The following ADGRB3 variants were observed in gnomAD, a reference collection of about 807,000 sequenced individuals.
The protein encoded by ADGRB3 is adhesion G protein-coupled receptor B3, also known as brain-specific angiogenesis inhibitor 3.
A neutral mutation model predicts 193.4 loss-of-function variants in ADGRB3; 37 were observed. The ratio of observed to expected loss-of-function variants is 0.19; its 90% CI spans 0.15 to 0.25. The LOEUF (loss-of-function observed/expected upper bound fraction) is 0.25. Among genes scored for constraint, ADGRB3 ranks in the 10% least tolerant of loss-of-function variants. The pLI is 1.00. For missense variants in ADGRB3, 1,637 were observed against 1,852.9 expected (o/e 0.88, Z 2.14); for synonymous variants, 690 against 644.2 (o/e 1.07, Z -1.08).
At chr6:69,007,897 G>T (rs958169891) in intron 11 of ADGRB3, among the ~76,000 whole-genome samples, 3 of 152,016 alleles carry the variant, frequency 2.0e-5, no homozygotes, top group Non-Finnish European at 2.9e-5. Context: ...AGGCACTGGT[G>T]GCAGGTTCAG....
chr6:69,065,639 C>A (rs946645797), intron 16 of ADGRB3, among the ~76,000 whole-genome samples: 6 of 151,572 alleles, frequency 4.0e-5, no homozygotes, highest in African/African-American at 7.3e-5. Flanking sequence ...AGTTTATTTC[C>A]ATTGAAGAGA....
intron 3 of ADGRB3, among the ~76,000 whole-genome samples, chr6:68,822,614 G>A (rs1767767040): frequency 2.0e-5 from 3 of 151,894 alleles, no homozygotes. Flanking sequence ...AGGTCCACCT[G>A]ATATCTATTT....
chr6:69,221,421 G>A (rs1478634433), intron 17 of ADGRB3, among the ~76,000 whole-genome samples: 1 of 152,130 alleles, frequency 6.6e-6, no homozygotes, highest in East Asian at 1.9e-4. Context: ...ACTCTCTGGT[G>A]TAGTTGCCAT....
chr6:68,935,356 T>G (rs143469906), intron 4 of ADGRB3, among the ~76,000 whole-genome samples: 23 of 152,318 alleles, frequency 1.5e-4, no homozygotes, highest in Middle Eastern at 3.4e-3. Flanking sequence ...TGAGTAGCAC[T>G]GCAAATAATT....
rs544712609 is a variant in ADGRB3 at position 68,836,344 on chromosome 6, C to A, written c.758-94215C>A. Among the ~76,000 whole-genome samples, 10 of 143,802 alleles carry A rather than the reference C, an allele frequency of 7.0e-5. No homozygotes were observed. The South Asian group carries it at 2.2e-3, about 32-fold the overall frequency. The allele number at this position is 143,802 out of a possible 152,430, so 94.3% of individuals were successfully genotyped here. A position where few individuals can be genotyped will look rare whatever the true frequency, so the allele number is the denominator to read the frequency against. ...AATGGGTTCACTCTTTACTTCTTCC[C>A]TGCACCATTTTTTCTGCTTTCCGTA... On this transcript the variant is annotated intron_variant, in intron 3 of 31. Coordinates refer to ENST00000370598, the MANE Select transcript of ADGRB3 (RefSeq NM_001704.3).
intron 17 of ADGRB3, among the ~76,000 whole-genome samples, chr6:69,139,457 C>G (rs1175631139): frequency 6.6e-6 from 1 of 152,178 alleles, no homozygotes; most frequent in East Asian, 1.9e-4. Flanking sequence ...CAAATAAAGA[C>G]ATGTATCTGT....
At position 68,812,707 on chromosome 6, in the gene ADGRB3, G is replaced by T. The variant is rs952126947; in HGVS notation, c.758-117852G>T. On this transcript the variant is annotated intron_variant, in intron 3 of 31. Coordinates refer to ENST00000370598, the MANE Select transcript of ADGRB3 (RefSeq NM_001704.3). ...CTTTTTCTTATACTTTAAATTCTGG[G>T]GTACATGTGCAGAACGTGCAGGTTT... Among the ~76,000 whole-genome samples, 4 of 151,706 alleles carry T rather than the reference G, an allele frequency of 2.6e-5. No homozygotes were observed. In the South Asian group the frequency reaches 8.3e-4, roughly 32 times the overall value.
At chr6:68,652,579 T>C (rs1004147571) in intron 3 of ADGRB3, among the ~76,000 whole-genome samples, 5 of 152,184 alleles carry the variant, frequency 3.3e-5, no homozygotes, top group African/African-American at 1.2e-4. Flanking sequence ...TGTGTTTTTC[T>C]CACATACTAG....
chr6:69,185,687 A>G (rs1456556739), intron 17 of ADGRB3, among the ~76,000 whole-genome samples: 1 of 152,166 alleles, frequency 6.6e-6, no homozygotes, highest in Non-Finnish European at 1.5e-5. Context: ...ATGTAATTGA[A>G]GAAAATAAAA....
intron 17 of ADGRB3, among the ~76,000 whole-genome samples, chr6:69,170,539 C>T (rs1297290070): frequency 6.6e-6 from 1 of 152,100 alleles, no homozygotes; most frequent in East Asian, 1.9e-4. Context: ...TTATCACAGC[C>T]AAGGAATTAA....
chr6:69,020,877 A>G (rs1414575963), intron 13 of ADGRB3, among the ~76,000 whole-genome samples: 1 of 152,034 alleles, frequency 6.6e-6, no homozygotes, highest in African/African-American at 2.4e-5. Context: ...CAAATTAAGT[A>G]ATATGAATAA....
At chr6:69,323,262 C>T (rs185273633) in intron 20 of ADGRB3, among the ~76,000 whole-genome samples, 1 of 152,048 alleles carries the variant, frequency 6.6e-6, no homozygotes, top group Admixed American at 6.6e-5. Flanking sequence ...GAAAGGGTAA[C>T]TAATGACTTA....
intron 17 of ADGRB3, among the ~76,000 whole-genome samples, chr6:69,091,130 C>G (rs1772692562): frequency 6.6e-6 from 1 of 152,048 alleles, no homozygotes. Flanking sequence ...ACTAAAAAGT[C>G]AAGAAATAAC....
Position 68,978,020 on chromosome 6 carries a change from T to C in ADGRB3, c.1734+2680T>C, listed in dbSNP as rs1329421168. Among the ~76,000 whole-genome samples, 4 of 151,670 alleles carry C rather than the reference T, an allele frequency of 2.6e-5. 1 individual carries two copies. The highest frequency in any genetic ancestry group is 4.4e-5 in the Non-Finnish European group (3 of 67,734). ...GCTTACATGTTCTTAGGAAAAGTCA[T>C]ATGATCACACTCAAGTCTTAGCTTG... On this transcript the variant is annotated intron_variant, in intron 10 of 31. Coordinates refer to ENST00000370598, the MANE Select transcript of ADGRB3 (RefSeq NM_001704.3).
intron 11 of ADGRB3, among the ~76,000 whole-genome samples, chr6:69,008,201 T>A (rs1482774704): frequency 3.3e-5 from 5 of 152,156 alleles, no homozygotes; most frequent in Non-Finnish European, 7.4e-5. Context: ...TCCTTTTAAA[T>A]GTATTTGCTT....
chr6:68,684,408 T>C (rs1279921011), intron 3 of ADGRB3, among the ~76,000 whole-genome samples: 1 of 152,244 alleles, frequency 6.6e-6, no homozygotes, highest in Non-Finnish European at 1.5e-5. Flanking sequence ...TTTCCATCTT[T>C]TTATAATAAT....
chr6:68,830,304 C>A (rs1463915299), intron 3 of ADGRB3, among the ~76,000 whole-genome samples: 1 of 152,028 alleles, frequency 6.6e-6, no homozygotes, highest in Non-Finnish European at 1.5e-5. Flanking sequence ...AAGAAAATTT[C>A]AAAGTAAGCA....
At chr6:69,157,291 C>T (rs1774868147) in intron 17 of ADGRB3, among the ~76,000 whole-genome samples, 1 of 152,154 alleles carries the variant, frequency 6.6e-6, no homozygotes, top group Non-Finnish European at 1.5e-5. Flanking sequence ...GCATGAATAT[C>T]GCAAGTGTCA....
At chr6:68,872,301 G>C (rs1390178659) in intron 3 of ADGRB3, among the ~76,000 whole-genome samples, 1 of 152,018 alleles carries the variant, frequency 6.6e-6, no homozygotes, top group Non-Finnish European at 1.5e-5. Flanking sequence ...GTAGTGACTT[G>C]GCTACCTGTT....
Sources: gnomAD v4.1 joint callset for allele counts (sites outside exome capture counted in the v4.1 genomes callset) on GRCh38, gnomAD v4.1.1 for gene constraint, MANE v1.5 for transcripts, NCBI Gene and HGNC (gene_info 2026-07-23, HGNC 2026-07-21) for gene names.